The following RUNX1T1 variants were observed in gnomAD, a reference collection of about 807,000 sequenced individuals.
RUNX1T1 encodes protein CBFA2T1.
In RUNX1T1, 4 loss-of-function variants were observed where a neutral mutation model predicts 62.8. The observed-to-expected ratio is 0.06, with a 90% CI of 0.03 to 0.15. RUNX1T1 has a LOEUF of 0.15. Ranked by LOEUF, RUNX1T1 falls within the 10% of genes least tolerant of loss-of-function variation. RUNX1T1 has a pLI of 1.00. For synonymous variants in RUNX1T1, 291 were observed against 286.0 expected (o/e 1.02, Z -0.18); for missense variants, 508 against 754.3 (o/e 0.67, Z 3.82).
chr8:92,098,835 G>A (rs902939417), intron 1 of RUNX1T1, among the ~76,000 whole-genome samples: 1 of 152,188 alleles, frequency 6.6e-6, no homozygotes, highest in Non-Finnish European at 1.5e-5. Context: ...ATGGTGCAAA[G>A]TAGCTCCTTC....
intron 1 of RUNX1T1, among the ~76,000 whole-genome samples, chr8:92,053,195 T>C (rs1051097165): frequency 1.3e-5 from 2 of 151,926 alleles, no homozygotes; most frequent in Non-Finnish European, 1.5e-5. Context: ...CGCTCTAGAG[T>C]CTTTAAGATA....
intron 2 of RUNX1T1, among the ~76,000 whole-genome samples, chr8:92,075,131 G>A (rs1231605284): frequency 6.6e-6 from 1 of 152,202 alleles, no homozygotes; most frequent in Non-Finnish European, 1.5e-5. Flanking sequence ...CTCTTTCTAC[G>A]TAGTCAGTCA....
intron 1 of RUNX1T1, among the ~76,000 whole-genome samples, chr8:92,087,278 A>G (rs778586710): frequency 6.6e-5 from 10 of 152,120 alleles, no homozygotes; most frequent in Non-Finnish European, 1.3e-4. Flanking sequence ...CTTGATATTC[A>G]AGACATTTAT....
chr8:91,970,043 T>TGTGTGTGTGTTGTGTGTGTG (rs11374252), intron 10 of RUNX1T1, among the ~76,000 whole-genome samples: 10 of 142,810 alleles, frequency 7.0e-5, no homozygotes, highest in African/African-American at 2.1e-4. Context: ...TGTGTGTGTG[T>TGTGTGTGTGTTGTGTGTGTG]TGTGTGTGTG....
intron 1 of RUNX1T1, among the ~76,000 whole-genome samples, chr8:92,036,127 G>C (rs971093410): frequency 9.2e-5 from 14 of 152,132 alleles, no homozygotes; most frequent in African/African-American, 2.9e-4. Flanking sequence ...TATAGCACTA[G>C]AGATGTCTTC....
chr8:92,074,581 C>T (rs1834152979), intron 2 of RUNX1T1, among the ~76,000 whole-genome samples: 1 of 152,120 alleles, frequency 6.6e-6, no homozygotes, highest in Non-Finnish European at 1.5e-5. Context: ...GAAAACAATT[C>T]TAAAGCGGGA....
At chr8:92,002,455 A>C (rs1004819248) in intron 5 of RUNX1T1, among the ~76,000 whole-genome samples, 15 of 152,198 alleles carry the variant, frequency 9.9e-5, no homozygotes, top group African/African-American at 3.1e-4. Flanking sequence ...TAAGGACAAG[A>C]AGAAAGTTAA....
At chr8:92,034,028 T>C (rs1235052245) in intron 1 of RUNX1T1, among the ~76,000 whole-genome samples, 1 of 150,428 alleles carries the variant, frequency 6.6e-6, no homozygotes, top group Admixed American at 6.6e-5. Context: ...AGCTTTGGAG[T>C]GAAGGGGTAA....
chr8:92,090,144 C>T (rs1836762969), intron 1 of RUNX1T1, among the ~76,000 whole-genome samples: 1 of 151,058 alleles, frequency 6.6e-6, no homozygotes, highest in Non-Finnish European at 1.5e-5. Flanking sequence ...GGAAAGGGAA[C>T]TTCAGTTTGC....
chr8:92,047,868 A>C (rs912516661), intron 1 of RUNX1T1, among the ~76,000 whole-genome samples: 1 of 152,130 alleles, frequency 6.6e-6, no homozygotes, highest in African/African-American at 2.4e-5. Flanking sequence ...AATCTTATCT[A>C]CCCACTTCCT....
At chr8:92,099,196 AAG>A (rs1837928066) in intron 1 of RUNX1T1, among the ~76,000 whole-genome samples, 1 of 152,218 alleles carries the variant, frequency 6.6e-6, no homozygotes, top group Non-Finnish European at 1.5e-5. Flanking sequence ...AATTTAGAAA[AAG>A]AATAAATTTT....
chr8:91,963,819 T>C (rs1257135877), intron 10 of RUNX1T1, among the ~76,000 whole-genome samples: 1 of 152,242 alleles, frequency 6.6e-6, no homozygotes, highest in Admixed American at 6.5e-5. Flanking sequence ...GTTTTATTTA[T>C]TTATTTTTAA....
chr8:92,072,885 A>T (rs918863871), intron 2 of RUNX1T1, among the ~76,000 whole-genome samples: 1 of 152,248 alleles, frequency 6.6e-6, no homozygotes, highest in African/African-American at 2.4e-5. Flanking sequence ...CATCATCTAT[A>T]TCAGCATTTT....
chr8:92,022,624 T>C (rs907889187), intron 1 of RUNX1T1, among the ~76,000 whole-genome samples: 8 of 152,162 alleles, frequency 5.3e-5, no homozygotes, highest in African/African-American at 1.9e-4. Flanking sequence ...AGCTGCCATC[T>C]TGAGAGCAGA....
At chr8:92,051,683 G>T (rs900414951) in intron 1 of RUNX1T1, among the ~76,000 whole-genome samples, 1 of 151,524 alleles carries the variant, frequency 6.6e-6, no homozygotes, top group Non-Finnish European at 1.5e-5. Flanking sequence ...TTCAGACGCG[G>T]CTTGGAAGAT....
At chr8:91,967,288 C>T (rs1811843051) in intron 10 of RUNX1T1, among the ~76,000 whole-genome samples, 1 of 152,148 alleles carries the variant, frequency 6.6e-6, no homozygotes, top group African/African-American at 2.4e-5. Context: ...CTGGGATGGC[C>T]TGGTTTACCG....
At chr8:91,989,038 C>A (rs2130853813) in intron 6 of RUNX1T1, among the ~76,000 whole-genome samples, 1 of 152,188 alleles carries the variant, frequency 6.6e-6, no homozygotes, top group South Asian at 2.1e-4. Flanking sequence ...ATCTCGTAAT[C>A]ATTAAATAGC....
chr8:92,061,573 G>A (rs919002213), intron 1 of RUNX1T1, among the ~76,000 whole-genome samples: 5 of 152,120 alleles, frequency 3.3e-5, no homozygotes, highest in Admixed American at 6.5e-5. Flanking sequence ...TAGGATGGAC[G>A]AGACACATCC....
intron 1 of RUNX1T1, among the ~76,000 whole-genome samples, chr8:92,050,593 A>G (rs1362455392): frequency 6.6e-6 from 1 of 152,210 alleles, no homozygotes; most frequent in Non-Finnish European, 1.5e-5. Flanking sequence ...ACTGCTCAAA[A>G]TCAAACATAA....
Sources: allele counts gnomAD v4.1 joint callset (sites outside exome capture counted in the v4.1 genomes callset), GRCh38; gene constraint gnomAD v4.1.1; transcripts MANE v1.5; gene names NCBI Gene and HGNC (gene_info 2026-07-23, HGNC 2026-07-21).